NRG3: variants seen among roughly 807,000 people sequenced by gnomAD.
NRG3 encodes the protein neuregulin 3, also known as pro-neuregulin-3, membrane-bound isoform.
A neutral mutation model predicts 66.9 loss-of-function variants in NRG3; 31 were observed. The observed-to-expected ratio is 0.46, with a 90% CI of 0.35 to 0.63. The LOEUF (loss-of-function observed/expected upper bound fraction) is 0.63. NRG3 is among the 20% of genes least tolerant of loss of function. The pLI is 0.00. For missense variants in NRG3, 910 were observed against 878.9 expected (o/e 1.04, Z -0.45); for synonymous variants, 393 against 359.4 (o/e 1.09, Z -1.06).
At chr10:82,881,665 A>G (rs1842311836) in intron 4 of NRG3, among the ~76,000 whole-genome samples, 1 of 152,148 alleles carries the variant, frequency 6.6e-6, no homozygotes, top group African/African-American at 2.4e-5. Context: ...TTCATCTCCT[A>G]TATGCTGTGA....
chr10:82,153,990 C>G (rs1453535927), intron 1 of NRG3, among the ~76,000 whole-genome samples: 1 of 151,622 alleles, frequency 6.6e-6, no homozygotes, highest in Non-Finnish European at 1.5e-5. Flanking sequence ...TATGGTTTGC[C>G]TATATTTTCT....
intron 4 of NRG3, among the ~76,000 whole-genome samples, chr10:82,938,513 T>C (rs1159375112): frequency 6.6e-6 from 1 of 152,264 alleles, no homozygotes; most frequent in Non-Finnish European, 1.5e-5. Flanking sequence ...GCTCTCAGCC[T>C]GCGCACCTAT....
At chr10:82,370,974 A>T (rs905713071) in intron 2 of NRG3, among the ~76,000 whole-genome samples, 11 of 151,986 alleles carry the variant, frequency 7.2e-5, no homozygotes, top group Non-Finnish European at 1.3e-4. Context: ...ACACACACAC[A>T]CATTCACACA....
chr10:82,313,374 A>G, intron 1 of NRG3, among the ~76,000 whole-genome samples: 1 of 151,930 alleles, frequency 6.6e-6, no homozygotes, highest in Non-Finnish European at 1.5e-5. Context: ...ATAAATAAAT[A>G]AAATAAAAAT....
At chr10:82,831,261 C>A (rs774821255) in intron 3 of NRG3, among the ~76,000 whole-genome samples, 5 of 152,226 alleles carry the variant, frequency 3.3e-5, no homozygotes, top group Non-Finnish European at 4.4e-5. Context: ...GGGAACTCAA[C>A]AATATTTTAG....
intron 2 of NRG3, among the ~76,000 whole-genome samples, chr10:82,465,506 G>A (rs921545874): frequency 4.6e-5 from 7 of 152,170 alleles, no homozygotes; most frequent in African/African-American, 1.7e-4. Flanking sequence ...CCACTAATAA[G>A]GGCTGAAGTC....
At chr10:82,430,590 T>C (rs1261702052) in intron 2 of NRG3, among the ~76,000 whole-genome samples, 1 of 152,170 alleles carries the variant, frequency 6.6e-6, no homozygotes, top group Non-Finnish European at 1.5e-5. Flanking sequence ...ACATTTTAAA[T>C]AAAATAATAT....
intron 2 of NRG3, among the ~76,000 whole-genome samples, chr10:82,469,751 C>T (rs765911063): frequency 6.6e-6 from 1 of 152,104 alleles, no homozygotes; most frequent in Non-Finnish European, 1.5e-5. Flanking sequence ...GACATGAGCT[C>T]TGTGTGTCTG....
rs569357603 is a variant in NRG3 at position 82,465,919 on chromosome 10, T to C, written c.953+107051T>C. 2.0e-5 allele frequency among the ~76,000 whole-genome samples: 3 copies of C among 152,262 alleles called. No individual in the cohort carries two copies. The South Asian group carries it at 6.2e-4, about 32-fold the overall frequency. ...CTCTAGCCAGGGACACAGTAAATAC[T>C]CAGGGAACAGTCGTTGCTTCTGGAT... On this transcript the variant is annotated intron_variant, in intron 2 of 8. Coordinates refer to ENST00000372141, the MANE Select transcript of NRG3 (RefSeq NM_001010848.4).
chr10:82,616,590 C>T (rs981649631), intron 2 of NRG3, among the ~76,000 whole-genome samples: 1 of 152,200 alleles, frequency 6.6e-6, no homozygotes, highest in Non-Finnish European at 1.5e-5. Context: ...CAGAGCATCA[C>T]ATCTTACGTG....
intron 1 of NRG3, among the ~76,000 whole-genome samples, chr10:82,234,753 G>C (rs1039164360): frequency 1.3e-5 from 2 of 152,188 alleles, no homozygotes; most frequent in Non-Finnish European, 2.9e-5. Context: ...AGCTCACTAA[G>C]ATCTTTATAC....
At chr10:82,967,059 T>C (rs970929627) in intron 6 of NRG3, among the ~76,000 whole-genome samples, 21 of 151,482 alleles carry the variant, frequency 1.4e-4, no homozygotes, top group African/African-American at 4.8e-4. Flanking sequence ...GAGACTGAGA[T>C]TTGGAAGCTA....
At chr10:81,987,157 G>A (rs920729842) in intron 1 of NRG3, among the ~76,000 whole-genome samples, 2 of 151,718 alleles carry the variant, frequency 1.3e-5, no homozygotes, top group Non-Finnish European at 2.9e-5. Flanking sequence ...ACGCGATCTC[G>A]GCTCACAGCA....
chr10:82,397,637 T>A (rs1484359460), intron 2 of NRG3, among the ~76,000 whole-genome samples: 1 of 152,154 alleles, frequency 6.6e-6, no homozygotes, highest in East Asian at 1.9e-4. Context: ...TAAATGCCTG[T>A]CAAAAATGAA....
intron 1 of NRG3, among the ~76,000 whole-genome samples, chr10:81,950,965 AT>A (rs1849296383): frequency 1.3e-5 from 2 of 151,656 alleles, no homozygotes; most frequent in Middle Eastern, 3.4e-3. Context: ...GAAAAAAAAA[AT>A]TTAAAAATGC....
chr10:82,397,586 C>T (rs1345612553), intron 2 of NRG3, among the ~76,000 whole-genome samples: 1 of 152,176 alleles, frequency 6.6e-6, no homozygotes, highest in South Asian at 2.1e-4. Flanking sequence ...AATCTAGAGT[C>T]AGTGCAAAAG....
intron 1 of NRG3, among the ~76,000 whole-genome samples, chr10:81,924,459 C>T (rs78804649): frequency 0.027 from 4,087 of 152,284 alleles, 151 homozygotes; most frequent in African/African-American, 0.082. Context: ...CTTGGGTGAG[C>T]TTGTGGTCTT....
chr10:82,330,099 G>A (rs138514629), intron 1 of NRG3, among the ~76,000 whole-genome samples: 98 of 152,266 alleles, frequency 6.4e-4, no homozygotes, highest in African/African-American at 2.2e-3. Flanking sequence ...ATCTGTGTCT[G>A]TAGTTAGGAA....
At chr10:82,180,895 G>C (rs2073371559) in intron 1 of NRG3, among the ~76,000 whole-genome samples, 1 of 151,778 alleles carries the variant, frequency 6.6e-6, no homozygotes, top group Non-Finnish European at 1.5e-5. Flanking sequence ...TTGTTGGATA[G>C]TTTTTTGTTG....
Sources: allele counts gnomAD v4.1 joint callset (sites outside exome capture counted in the v4.1 genomes callset), GRCh38; gene constraint gnomAD v4.1.1; transcripts MANE v1.5; gene names NCBI Gene and HGNC (gene_info 2026-07-23, HGNC 2026-07-21).